Variants in SIL1 observed in about 807,000 individuals in gnomAD.
SIL1 encodes SIL1 nucleotide exchange factor.
SIL1 carries 40 observed loss-of-function variants against 49.1 expected under a neutral mutation model. The ratio of observed to expected loss-of-function variants is 0.81; its 90% confidence interval spans 0.63 to 1.06. The LOEUF is 1.06. Ranked by LOEUF, SIL1 falls within the 50% of genes least tolerant of loss-of-function variation. The probability of loss-of-function intolerance (pLI) is 0.00; values close to 1 mark genes in which losing one functional copy is unlikely to be tolerated. For synonymous variants in SIL1, 253 were observed against 250.8 expected (o/e 1.01, Z -0.08); for missense variants, 500 against 572.6 (o/e 0.87, Z 1.29).
At chr5:139,067,788 A>G (rs1406504253) in intron 3 of SIL1, among the ~76,000 whole-genome samples, 1 of 152,248 alleles carries the variant, frequency 6.6e-6, no homozygotes, top group African/African-American at 2.4e-5. Context: ...GCATCTGGCA[A>G]CATCTATCAA....
At chr5:138,961,060 A>G (rs1767010358) in intron 7 of SIL1, among the ~76,000 whole-genome samples, 1 of 152,212 alleles carries the variant, frequency 6.6e-6, no homozygotes, top group African/African-American at 2.4e-5. Flanking sequence ...GGGAGGACTT[A>G]AGCATTAAAC....
intron 7 of SIL1, among the ~76,000 whole-genome samples, chr5:139,017,544 T>G (rs1768428065): frequency 6.6e-6 from 1 of 151,882 alleles, no homozygotes; most frequent in African/African-American, 2.4e-5. Flanking sequence ...AGAACATGGG[T>G]TATTAAAGAA....
chr5:139,051,802 G>A (rs1386301286), intron 3 of SIL1, among the ~76,000 whole-genome samples: 1 of 152,176 alleles, frequency 6.6e-6, no homozygotes, highest in African/African-American at 2.4e-5. Context: ...GAATCGATGG[G>A]CTATTCCTAT....
intron 1 of SIL1, among the ~76,000 whole-genome samples, chr5:139,173,549 T>C (rs763213096): frequency 1.4e-4 from 21 of 149,646 alleles, no homozygotes; most frequent in Non-Finnish European, 2.7e-4. Flanking sequence ...GACGCTGTCT[T>C]AAAAATAAAC....
At chr5:139,045,939 T>C (rs1769149580) in intron 4 of SIL1, among the ~76,000 whole-genome samples, 1 of 152,238 alleles carries the variant, frequency 6.6e-6, no homozygotes, top group Non-Finnish European at 1.5e-5. Flanking sequence ...ATGTCCTACC[T>C]GATCTACTGA....
intron 1 of SIL1, among the ~76,000 whole-genome samples, chr5:139,148,315 C>T (rs1233695027): frequency 6.6e-6 from 1 of 152,190 alleles, no homozygotes; most frequent in Non-Finnish European, 1.5e-5. Flanking sequence ...CAGCCTGCAA[C>T]TGACAGGGGT....
At chr5:139,133,651 G>A (rs1200072665) in intron 1 of SIL1, among the ~76,000 whole-genome samples, 3 of 152,218 alleles carry the variant, frequency 2.0e-5, no homozygotes, top group Non-Finnish European at 2.9e-5. Flanking sequence ...CCAGAGCACA[G>A]AAAGAACTGG....
rs148186026 is a variant in SIL1 at position 138,994,840 on chromosome 5, T to C, written c.767+26331A>G. Among the ~76,000 whole-genome samples, 1,135 of 152,316 alleles carry C rather than the reference T, an allele frequency of 7.5e-3. 12 individuals carry two copies. The highest frequency in any genetic ancestry group is 0.021 in the African/African-American group (878 of 41,562). On this transcript the variant is annotated intron_variant, in intron 7 of 9. Transcript: ENST00000394817. ...TGCATGCATTAACTATTTATCCTGA[T>C]GCTCTCCCACCTCTTGCCCCCCAGC...
At chr5:139,154,181 A>G (rs984508320) in intron 1 of SIL1, among the ~76,000 whole-genome samples, 2 of 152,250 alleles carry the variant, frequency 1.3e-5, no homozygotes, top group Non-Finnish European at 2.9e-5. Context: ...CAAAATGTAA[A>G]TAACAGTCTC....
intron 3 of SIL1, among the ~76,000 whole-genome samples, chr5:139,068,730 A>G (rs1335602625): frequency 6.6e-6 from 1 of 151,944 alleles, no homozygotes; most frequent in East Asian, 1.9e-4. Flanking sequence ...TTTTTTCTAA[A>G]AGTTCAAGAA....
chr5:139,125,880 C>T (rs912343819), intron 2 of SIL1, among the ~76,000 whole-genome samples: 3 of 152,164 alleles, frequency 2.0e-5, no homozygotes, highest in African/African-American at 2.4e-5. Flanking sequence ...TGTGGCATCC[C>T]GGGGAAGTAC....
intron 5 of SIL1, 91 bp from the exon 6 acceptor site, chr5:139,027,083 C>T: frequency 8.3e-7 from 1 of 1,208,742 alleles, no homozygotes; most frequent in Non-Finnish European, 1.2e-6. Context: ...CCTCAAAAAA[C>T]TGCTGCTCCA....
chr5:139,128,254 C>G (rs1750793670), intron 1 of SIL1, among the ~76,000 whole-genome samples: 1 of 152,154 alleles, frequency 6.6e-6, no homozygotes, highest in East Asian at 1.9e-4. Context: ...ACTTCTAAAA[C>G]ACACCCATTA....
chr5:139,026,848 C>T lies in SIL1; in HGVS notation c.598G>A (p.Glu200Lys), dbSNP rs768778736. The T allele has an allele frequency of 6.2e-7, 1 of 1,614,190 alleles. No individual in the cohort carries two copies. Among genetic ancestry groups the T allele is most frequent in the South Asian group, 1.1e-5 (1 of 91,080 alleles). The stretch of plus-strand genomic sequence containing the variant: ...TCAAAGAGCGCAGCAATCTTCTCTT[C>T]CAAACTGGAGCTGGAACTATTGAAC... ...NKFNSSSSSL[E>K]EKIAALFDLE... Residue 200 changes from glutamate (E) to lysine (K), a missense_variant, in exon 6 of 10, where the codon GAA becomes AAA. Transcript: ENST00000394817.
At chr5:139,108,678 G>C (rs1389849561) in intron 3 of SIL1, among the ~76,000 whole-genome samples, 1 of 152,154 alleles carries the variant, frequency 6.6e-6, no homozygotes, top group Non-Finnish European at 1.5e-5. Flanking sequence ...CTCTAGTTCT[G>C]ACTGATCAGC....
chr5:139,000,969 T>C (rs1042319184), intron 7 of SIL1, among the ~76,000 whole-genome samples: 1 of 151,834 alleles, frequency 6.6e-6, no homozygotes, highest in Non-Finnish European at 1.5e-5. Context: ...GAAAAGATAT[T>C]AAGAGGCAAT....
At chr5:139,051,153 G>A in intron 3 of SIL1, 107 bp from the exon 4 acceptor site, 1 of 952,486 alleles carries the variant, frequency 1.0e-6, no homozygotes, top group Non-Finnish European at 1.7e-6. Flanking sequence ...ACACGACTCA[G>A]CTGTGTTCAG....
chr5:139,177,018 C>T (rs1009531497), intron 1 of SIL1, among the ~76,000 whole-genome samples: 4 of 150,036 alleles, frequency 2.7e-5, no homozygotes, highest in South Asian at 4.2e-4. Context: ...CTGCAAGCTC[C>T]GCTTTCTGGG....
At chr5:138,975,222 A>G (rs1040181318) in intron 7 of SIL1, among the ~76,000 whole-genome samples, 5 of 152,162 alleles carry the variant, frequency 3.3e-5, no homozygotes, top group African/African-American at 1.2e-4. Flanking sequence ...CAGCTGGTCA[A>G]TCCATTTCGA....
Sources: gnomAD v4.1 joint callset for allele counts (sites outside exome capture counted in the v4.1 genomes callset) on GRCh38, gnomAD v4.1.1 for gene constraint, MANE v1.5 for transcripts, NCBI Gene and HGNC (gene_info 2026-07-23, HGNC 2026-07-21) for gene names.